UTS2: variants seen among roughly 807,000 people sequenced by gnomAD.
UTS2 encodes the protein urotensin 2.
Under a neutral mutation model 12.6 loss-of-function variants are expected in UTS2, and 10 were observed. The ratio of observed to expected loss-of-function variants is 0.80; its 90% CI spans 0.49 to 1.35. The LOEUF (loss-of-function observed/expected upper bound fraction) is 1.35, where lower values mean the gene tolerates loss of function less well. Ranked by LOEUF, UTS2 falls within the 40% of genes most tolerant of loss-of-function variation. UTS2 has a pLI of 0.00. For synonymous variants in UTS2, 52 were observed against 50.0 expected (o/e 1.04, Z -0.17); for missense variants, 142 against 143.2 (o/e 0.99, Z 0.04).
chr1:7,857,100 A>AAAGGAAGGAAGG (rs754358229), upstream of UTS2, among the ~76,000 whole-genome samples: 1,235 of 64,220 alleles, frequency 0.019, 54 homozygotes, highest in South Asian at 0.046. Context: ...GGAAGGAAGA[A>AAAGGAAGGAAGG]AAGGAATGAA....
chr1:7,873,181 T>A, the UTS2 span, among the ~76,000 whole-genome samples: 1 of 152,218 alleles, frequency 6.6e-6, no homozygotes, highest in Non-Finnish European at 1.5e-5. Context: ...TCGCAAACAG[T>A]GCACATGGTC....
the UTS2 span, among the ~76,000 whole-genome samples, chr1:7,878,005 C>T: frequency 2.6e-5 from 4 of 152,186 alleles, no homozygotes; most frequent in African/African-American, 9.7e-5. Context: ...TATAGTTAAA[C>T]TGTCAAAAGT....
the UTS2 span, among the ~76,000 whole-genome samples, chr1:7,889,320 T>C: frequency 6.8e-6 from 1 of 148,062 alleles, no homozygotes. Flanking sequence ...CGTGAGCCTG[T>C]GGTCCCCGCT....
At chr1:7,853,406 A>G (rs2151384027), upstream of UTS2, 1 of 1,613,878 alleles carries the variant, frequency 6.2e-7, no homozygotes. Flanking sequence ...GACGCAGAGC[A>G]TAAGATGAAA....
At chr1:7,913,153 A>C in the UTS2 span, among the ~76,000 whole-genome samples, 1 of 151,350 alleles carries the variant, frequency 6.6e-6, no homozygotes, top group Non-Finnish European at 1.5e-5. Context: ...CCACCAAGAG[A>C]CGTGAGAGAT....
the UTS2 span, among the ~76,000 whole-genome samples, chr1:7,904,859 G>A: frequency 5.3e-4 from 72 of 134,922 alleles, 1 homozygote; most frequent in South Asian, 0.016. Context: ...AGCCTAGATC[G>A]TGCCACTGGA....
chr1:7,875,255 T>C, the UTS2 span, among the ~76,000 whole-genome samples: 4,664 of 152,166 alleles, frequency 0.031, 101 homozygotes, highest in East Asian at 0.052. Flanking sequence ...TTTGTATTTT[T>C]AGTAGAGACG....
the UTS2 span, among the ~76,000 whole-genome samples, chr1:7,872,321 G>GAAAAAAAAAA: frequency 2.3e-5 from 2 of 86,066 alleles, no homozygotes; most frequent in African/African-American, 4.6e-5. Flanking sequence ...AAAAAAAAAG[G>GAAAAAAAAAA]AAAAGAAAAA....
the UTS2 span, among the ~76,000 whole-genome samples, chr1:7,888,966 T>C: frequency 1.3e-5 from 2 of 151,868 alleles, no homozygotes; most frequent in African/African-American, 4.8e-5. Context: ...CACCAGCAGA[T>C]TGTGGATAAT....
At chr1:7,901,241 C>A in the UTS2 span, among the ~76,000 whole-genome samples, 2 of 152,234 alleles carry the variant, frequency 1.3e-5, no homozygotes, top group African/African-American at 4.8e-5. Flanking sequence ...AAGACTACTG[C>A]AGTAATCCAG....
At chr1:7,890,528 G>A in the UTS2 span, among the ~76,000 whole-genome samples, 16 of 152,106 alleles carry the variant, frequency 1.1e-4, no homozygotes, top group Non-Finnish European at 2.1e-4. Context: ...CACATCCTAG[G>A]GAGATAATCA....
chr1:7,904,285 A>G, the UTS2 span, among the ~76,000 whole-genome samples: 1 of 150,834 alleles, frequency 6.6e-6, no homozygotes, highest in Non-Finnish European at 1.5e-5. Flanking sequence ...GGGCAACACA[A>G]TGGGACCAGG....
At chr1:7,896,392 C>T in the UTS2 span, among the ~76,000 whole-genome samples, 5 of 152,150 alleles carry the variant, frequency 3.3e-5, no homozygotes, top group African/African-American at 1.2e-4. Context: ...TTCTACCAAA[C>T]ATTCATGTAA....
At chr1:7,868,049 C>T in the UTS2 span, among the ~76,000 whole-genome samples, 551 of 152,214 alleles carry the variant, frequency 3.6e-3, 3 homozygotes, top group Non-Finnish European at 5.8e-3. Flanking sequence ...CACAAAATAG[C>T]TCACACCTTC....
chr1:7,848,680 T>C (rs1218835435), intron 3 of UTS2, among the ~76,000 whole-genome samples: 2 of 151,892 alleles, frequency 1.3e-5, no homozygotes, highest in African/African-American at 2.4e-5. Flanking sequence ...CCACCACGCC[T>C]GGCTAAGTTT....
chr1:7,854,697 ACT>A (rs1638267896), upstream of UTS2, among the ~76,000 whole-genome samples: 1 of 152,028 alleles, frequency 6.6e-6, no homozygotes, highest in African/African-American at 2.4e-5. Flanking sequence ...CCTCAGGGTG[ACT>A]CTGATTAATA....
chr1:7,893,273 G>A, the UTS2 span, among the ~76,000 whole-genome samples: 1 of 152,160 alleles, frequency 6.6e-6, no homozygotes, highest in Non-Finnish European at 1.5e-5. Context: ...AGCACTTTGA[G>A]AGGTAGATCA....
the UTS2 span, among the ~76,000 whole-genome samples, chr1:7,871,941 A>G: frequency 1.3e-5 from 2 of 152,150 alleles, no homozygotes. Flanking sequence ...ATAACCCTAC[A>G]ATAGCCTTTA....
the UTS2 span, among the ~76,000 whole-genome samples, chr1:7,895,789 G>C: frequency 6.6e-6 from 1 of 152,172 alleles, no homozygotes; most frequent in Non-Finnish European, 1.5e-5. Context: ...GCAGTTTTAT[G>C]AATTATTGAT....
Sources: allele counts gnomAD v4.1 joint callset (sites outside exome capture counted in the v4.1 genomes callset), GRCh38; gene constraint gnomAD v4.1.1; transcripts MANE v1.5; gene names NCBI Gene and HGNC (gene_info 2026-07-23, HGNC 2026-07-21).